The following CNTNAP2 variants were observed in gnomAD, a reference collection of about 807,000 sequenced individuals.
CNTNAP2 encodes the protein contactin-associated protein-like 2.
In CNTNAP2, 98 loss-of-function variants were observed where a neutral mutation model predicts 155.2. The ratio of observed to expected loss-of-function variants is 0.63; its 90% CI spans 0.54 to 0.75. The LOEUF (loss-of-function observed/expected upper bound fraction) is 0.75. CNTNAP2 is among the 30% of genes least tolerant of loss of function. CNTNAP2 has a pLI of 0.00. For synonymous variants in CNTNAP2, 651 were observed against 631.2 expected, an observed-to-expected ratio of 1.03 and a Z score of -0.47; for missense variants, 1,727 against 1,688.1, an observed-to-expected ratio of 1.02 and a Z score of -0.40.
chr7:147,675,722 A>G (rs1246066056), intron 13 of CNTNAP2, among the ~76,000 whole-genome samples: 3 of 152,046 alleles, frequency 2.0e-5, no homozygotes, highest in South Asian at 2.1e-4. Flanking sequence ...AAGTTGACAC[A>G]TAAAATTAAC....
At chr7:147,444,015 C>T (rs780022577) in intron 10 of CNTNAP2, among the ~76,000 whole-genome samples, 20 of 152,066 alleles carry the variant, frequency 1.3e-4, no homozygotes, top group Non-Finnish European at 2.6e-4. Context: ...TTTTCTATTC[C>T]CAGTAAAAAG....
chr7:147,467,552 T>A (rs1798141807), intron 10 of CNTNAP2, among the ~76,000 whole-genome samples: 1 of 152,094 alleles, frequency 6.6e-6, no homozygotes, highest in African/African-American at 2.4e-5. Context: ...GGGGAGGAAG[T>A]ATTGAAAGGT....
intron 2 of CNTNAP2, among the ~76,000 whole-genome samples, chr7:146,807,237 A>G (rs1802984652): frequency 6.6e-6 from 1 of 152,200 alleles, no homozygotes; most frequent in African/African-American, 2.4e-5. Flanking sequence ...TCAAATTAGA[A>G]TCTTACAGTT....
At position 147,546,243 on chromosome 7, in the gene CNTNAP2, A is replaced by G. The variant is rs570661004; in HGVS notation, c.1778-15895A>G. On this transcript the variant is annotated intron_variant, in intron 11 of 23. Transcript: ENST00000361727. ...GAGGTATGATTCATTAAAGAACACT[A>G]CTGTAAAATTCTGTCAATGTGTGCA... Among the ~76,000 whole-genome samples the G allele has an allele frequency of 2.8e-4, 43 of 152,272 alleles. No individual in the cohort carries two copies. In the South Asian group the frequency reaches 3.7e-3, roughly 13 times the overall value.
chr7:148,282,670 T>C (rs183777698), intron 21 of CNTNAP2, among the ~76,000 whole-genome samples: 116 of 152,248 alleles, frequency 7.6e-4, no homozygotes, highest in African/African-American at 2.7e-3. Context: ...GAAAAAAACT[T>C]TTGATTGAAA....
rs1433329944 is a variant in CNTNAP2 at position 147,062,041 on chromosome 7, T to G, written c.550+17987T>G. ...TACTCAGGAGGCTGAGGCAGGAGAA[T>G]GGAGTGAACCCGGGAGGCAGAGCTT... On this transcript the variant is annotated intron_variant, in intron 4 of 23. Transcript: ENST00000361727. Among the ~76,000 whole-genome samples, 3 of 143,036 alleles carry G rather than the reference T, an allele frequency of 2.1e-5. No homozygotes were observed. The East Asian group carries it at 6.3e-4, about 30-fold the overall frequency. 93.8% of individuals were successfully genotyped at this position (143,036 alleles called of 152,430 possible).
At chr7:147,769,445 T>G (rs957815297) in intron 13 of CNTNAP2, among the ~76,000 whole-genome samples, 10 of 152,126 alleles carry the variant, frequency 6.6e-5, no homozygotes, top group Non-Finnish European at 1.3e-4. Flanking sequence ...AAAACATGCA[T>G]ACTTCATGTG....
At chr7:146,265,492 C>G (rs1326024175) in intron 1 of CNTNAP2, among the ~76,000 whole-genome samples, 1 of 146,490 alleles carries the variant, frequency 6.8e-6, no homozygotes, top group Non-Finnish European at 1.5e-5. Flanking sequence ...GGGTTTCACT[C>G]CCGTCATCCA....
Position 148,185,646 on chromosome 7 carries a change from T to C in CNTNAP2, c.3010+13168T>C, listed in dbSNP as rs189694281. 3.2e-4 allele frequency among the ~76,000 whole-genome samples: 48 copies of C among 152,334 alleles called. No individual in the cohort carries two copies. In the East Asian group the frequency reaches 9.1e-3, roughly 29 times the overall value. Reference sequence around the variant, plus strand: ...TCCATTGCTAGTCACTTTTTAGTTTTCAGAGATGAATAAAGCTATAAGTAA... The same window carrying C: ...TCCATTGCTAGTCACTTTTTAGTTTCCAGAGATGAATAAAGCTATAAGTAA... On this transcript the variant is annotated intron_variant, in intron 18 of 23. Transcript: ENST00000361727.
At chr7:146,252,938 A>G (rs111840217) in intron 1 of CNTNAP2, among the ~76,000 whole-genome samples, 6,429 of 152,212 alleles carry the variant, frequency 0.042, 406 homozygotes, top group African/African-American at 0.14. Flanking sequence ...GACTCCTGCC[A>G]TTTACTGTTT....
At chr7:147,448,997 T>C (rs1179600395) in intron 10 of CNTNAP2, among the ~76,000 whole-genome samples, 2 of 143,460 alleles carry the variant, frequency 1.4e-5, no homozygotes, top group African/African-American at 2.5e-5. Flanking sequence ...ATGAAAACAC[T>C]AATATTTTAT....
In CNTNAP2 at chr7:147,582,732, C is replaced by T. The variant is rs572957626; in HGVS notation, c.1897+20475C>T. On this transcript the variant is annotated intron_variant, in intron 12 of 23. Coordinates refer to ENST00000361727, the MANE Select transcript of CNTNAP2 (RefSeq NM_014141.6). ...CTTATTAATTGTGTCAGCTTCTTTTCCTATTTTTCCTCGTATGAGTTAATC... is the reference window on the plus strand; with the variant it reads ...CTTATTAATTGTGTCAGCTTCTTTTTCTATTTTTCCTCGTATGAGTTAATC... 4.9e-4 allele frequency among the ~76,000 whole-genome samples: 75 copies of T among 152,098 alleles called. No individual in the cohort carries two copies. The Middle Eastern group carries it at 0.014, about 28-fold the overall frequency.
chr7:146,626,031 C>G (rs1799413758), intron 1 of CNTNAP2, among the ~76,000 whole-genome samples: 1 of 152,018 alleles, frequency 6.6e-6, no homozygotes, highest in Non-Finnish European at 1.5e-5. Context: ...TTCTGAAAGA[C>G]ATACATTGTG....
chr7:148,407,703 T>TTA (rs752589763), intron 22 of CNTNAP2, among the ~76,000 whole-genome samples: 9 of 93,128 alleles, frequency 9.7e-5, no homozygotes, highest in Non-Finnish European at 1.8e-4. Context: ...GACCAAATCT[T>TTA]AAAAAAAAAA....
rs1163559597 is a variant in CNTNAP2, at chr7:146,404,124, C to CAAAAAAAAAAAAA, written c.97+287157_97+287169dup. 2.4e-3 allele frequency among the ~76,000 whole-genome samples: 177 copies of CAAAAAAAAAAAAA among 72,640 alleles called. 2 individuals are homozygous for CAAAAAAAAAAAAA. Among genetic ancestry groups the CAAAAAAAAAAAAA allele is most frequent in the African/African-American group, 7.2e-3 (109 of 15,056 alleles). 47.7% of individuals were successfully genotyped at this position (72,640 alleles called of 152,430 possible). A position where few individuals can be genotyped will look rare whatever the true frequency, so the allele number is the denominator to read the frequency against. On this transcript the variant is annotated intron_variant, in intron 1 of 23. Transcript: ENST00000361727. ...TGGGCGACAGAGCGAGACTCCGTCT[C>CAAAAAAAAAAAAA]AAAAAAAAAAAAAAAAAACAAAGAA...
chr7:147,024,571 A>G (rs1266013818), intron 3 of CNTNAP2, among the ~76,000 whole-genome samples: 1 of 152,212 alleles, frequency 6.6e-6, no homozygotes, highest in African/African-American at 2.4e-5. Context: ...TCATAGTTCC[A>G]CAGGCAGGTG....
chr7:147,086,820 CA>C (rs1434207237), intron 4 of CNTNAP2, among the ~76,000 whole-genome samples: 1 of 152,142 alleles, frequency 6.6e-6, no homozygotes, highest in East Asian at 1.9e-4. Context: ...GTCTGGGAAA[CA>C]GCAATTTTAA....
rs1220433924 is a variant in CNTNAP2, at chr7:147,617,449, A to G, written c.1898-21657A>G. On this transcript the variant is annotated intron_variant, in intron 12 of 23. Transcript: ENST00000361727. ...GGCTTGTGGATGCATGAATGATTAA[A>G]TTATATTACCAACTTATGACATTTT... 2.0e-5 allele frequency among the ~76,000 whole-genome samples: 3 copies of G among 152,210 alleles called. No individual in the cohort carries two copies. In the South Asian group the frequency reaches 6.2e-4, roughly 32 times the overall value.
intron 10 of CNTNAP2, among the ~76,000 whole-genome samples, chr7:147,462,172 C>A (rs181499870): frequency 3.1e-4 from 47 of 152,266 alleles, no homozygotes; most frequent in Non-Finnish European, 1.5e-4. Flanking sequence ...TCCAGAAGGA[C>A]AAGCCTCCCC....
Sources: gnomAD v4.1 joint callset for allele counts (sites outside exome capture counted in the v4.1 genomes callset) on GRCh38, gnomAD v4.1.1 for gene constraint, MANE v1.5 for transcripts, NCBI Gene and HGNC (gene_info 2026-07-23, HGNC 2026-07-21) for gene names.